TRDN: variants seen among roughly 807,000 people sequenced by gnomAD.
TRDN encodes the protein triadin.
In TRDN, 161 loss-of-function variants were observed where a neutral mutation model predicts 149.7. That is an observed-to-expected ratio of 1.08 (90% confidence interval 0.95 to 1.23). The LOEUF (loss-of-function observed/expected upper bound fraction) is 1.23. Among genes scored for constraint, TRDN ranks in the 50% most tolerant of loss-of-function variants. The pLI, the probability that TRDN is intolerant of heterozygous loss-of-function variation, is 0.00. For missense variants in TRDN, 896 were observed against 823.5 expected (o/e 1.09, Z -1.08); for synonymous variants, 294 against 250.5 (o/e 1.17, Z -1.64).
chr6:123,360,991 T>A (rs1780878818), intron 20 of TRDN, among the ~76,000 whole-genome samples: 2 of 152,158 alleles, frequency 1.3e-5, no homozygotes, highest in Admixed American at 1.3e-4. Flanking sequence ...TGATGGGCAT[T>A]TGGGTTGGTT....
chr6:123,500,875 T>G (rs1778669043), intron 8 of TRDN, among the ~76,000 whole-genome samples: 1 of 152,136 alleles, frequency 6.6e-6, no homozygotes, highest in Non-Finnish European at 1.5e-5. Flanking sequence ...AAATATCAAA[T>G]AGTTGTTTTA....
In TRDN at chr6:123,278,932, CCTTTGA is replaced by C. The variant is rs1777477363; in HGVS notation, c.1537+118_1537+123del. 1.1e-5 allele frequency: 9 copies of C among 844,776 alleles called. No homozygotes were observed. In the South Asian group the frequency reaches 1.6e-4, roughly 15 times the overall value. 52.3% of individuals were successfully genotyped at this position (844,776 alleles called of 1,614,324 possible). A position where few individuals can be genotyped will look rare whatever the true frequency, so the allele number is the denominator to read the frequency against. On this transcript the variant is annotated intron_variant, in intron 25 of 40. Coordinates refer to ENST00000334268, the MANE Select transcript of TRDN (RefSeq NM_006073.4). ...GAGTACATTGTCTACACAAAACAAGCCTTTGACTTTAAGCAAAATATTCAACATGAA... is the reference window on the plus strand; with the variant it reads ...GAGTACATTGTCTACACAAAACAAGCCTTTAAGCAAAATATTCAACATGAA...
chr6:123,377,958 C>A (rs1007772138), intron 16 of TRDN, 60 bp from the exon 17 acceptor site: 11 of 1,232,178 alleles, frequency 8.9e-6, no homozygotes, highest in Non-Finnish European at 1.2e-5. Context: ...TTATGAATCC[C>A]AACTTAATTG....
Position 123,517,873 on chromosome 6 carries a change from A to G in TRDN, c.485-1667T>C, listed in dbSNP as rs79490787. On this transcript the variant is annotated intron_variant, in intron 5 of 40. Coordinates refer to ENST00000334268, the MANE Select transcript of TRDN (RefSeq NM_006073.4). ...TACATAATTATATTTCAGCAATTCA[A>G]TAATAATATTGATATTGTTAATATC... Among the ~76,000 whole-genome samples the G allele has an allele frequency of 3.6e-3, 542 of 152,278 alleles. 23 individuals carry two copies. In the East Asian group the frequency reaches 0.091, roughly 26 times the overall value.
chr6:123,311,729 T>C (rs187223352), intron 24 of TRDN, among the ~76,000 whole-genome samples: 30 of 152,098 alleles, frequency 2.0e-4, no homozygotes, highest in Middle Eastern at 3.4e-3. Context: ...TCTGGAAGAA[T>C]TGTATTATTG....
intron 2 of TRDN, among the ~76,000 whole-genome samples, chr6:123,563,937 T>C (rs1782134336): frequency 6.6e-6 from 1 of 152,174 alleles, no homozygotes; most frequent in East Asian, 1.9e-4. Context: ...GCTCTTGCCT[T>C]TATTAAAACA....
At chr6:123,576,355 C>A (rs1035171459) in intron 1 of TRDN, among the ~76,000 whole-genome samples, 2 of 152,016 alleles carry the variant, frequency 1.3e-5, no homozygotes, top group African/African-American at 4.8e-5. Flanking sequence ...CCTAAATTGC[C>A]ACCTTTTCTC....
rs1234558141 is a variant in TRDN, at chr6:123,359,948, G to T, written c.1321+6187C>A. ...CTGACCTCATGATCCACCCATCTCGGCCTCCCAAAGTGCTGGGATTACAGG... is the reference window on the plus strand; with the variant it reads ...CTGACCTCATGATCCACCCATCTCGTCCTCCCAAAGTGCTGGGATTACAGG... On this transcript the variant is annotated intron_variant, in intron 20 of 40. Coordinates refer to ENST00000334268, the MANE Select transcript of TRDN (RefSeq NM_006073.4). 2.6e-5 allele frequency among the ~76,000 whole-genome samples: 4 copies of T among 152,082 alleles called. No homozygotes were observed. In the East Asian group the frequency reaches 7.7e-4, roughly 29 times the overall value.
At chr6:123,424,446 G>T (rs2114551882) in intron 12 of TRDN, among the ~76,000 whole-genome samples, 1 of 151,172 alleles carries the variant, frequency 6.6e-6, no homozygotes, top group Non-Finnish European at 1.5e-5. Context: ...CTATAAACAA[G>T]AAAAAACAAC....
chr6:123,249,008 G>A (rs1730530916), intron 38 of TRDN, among the ~76,000 whole-genome samples: 1 of 152,008 alleles, frequency 6.6e-6, no homozygotes, highest in South Asian at 2.1e-4. Context: ...ATTTTGAAAA[G>A]ATACTACACC....
intron 24 of TRDN, among the ~76,000 whole-genome samples, chr6:123,303,933 C>T (rs1778515377): frequency 6.6e-6 from 1 of 151,980 alleles, no homozygotes; most frequent in Non-Finnish European, 1.5e-5. Context: ...ACAGGTTTTA[C>T]CCAGAAGAAT....
In TRDN at chr6:123,630,727, C is replaced by T. The variant is rs527400760; in HGVS notation, c.22+6027G>A. On this transcript the variant is annotated intron_variant, in intron 1 of 40. Coordinates refer to ENST00000334268, the MANE Select transcript of TRDN (RefSeq NM_006073.4). ...AAAACTACAAGAAAAAGCTTCTTAA[C>T]GGAACCTAACAAGGGCTGACACTAC... Among the ~76,000 whole-genome samples the T allele has an allele frequency of 9.0e-4, 137 of 151,942 alleles. No homozygotes were observed. The South Asian group carries it at 0.01, about 11-fold the overall frequency.
At chr6:123,580,986 G>T (rs978037875) in intron 1 of TRDN, among the ~76,000 whole-genome samples, 1 of 152,052 alleles carries the variant, frequency 6.6e-6, no homozygotes, top group Non-Finnish European at 1.5e-5. Context: ...GCCTAGGCTG[G>T]TCTCAAACCC....
chr6:123,465,582 C>CAAAAAAAAAAAAAAA (rs1223948612), intron 9 of TRDN, among the ~76,000 whole-genome samples: 1 of 65,534 alleles, frequency 1.5e-5, no homozygotes, highest in African/African-American at 5.0e-5. Flanking sequence ...TTATGAACTG[C>CAAAAAAAAAAAAAAA]AAAAAAAAAA....
At chr6:123,632,703 C>T (rs79755942) in intron 1 of TRDN, among the ~76,000 whole-genome samples, 2 of 151,990 alleles carry the variant, frequency 1.3e-5, no homozygotes, top group Non-Finnish European at 2.9e-5. Context: ...GTACCCCCAG[C>T]TCATCCCCGC....
chr6:123,308,444 G>C (rs1379050979), intron 24 of TRDN, among the ~76,000 whole-genome samples: 9 of 151,378 alleles, frequency 5.9e-5, no homozygotes, highest in Non-Finnish European at 1.2e-4. Context: ...TTCTAAACTA[G>C]TTTCCACAGT....
At chr6:123,503,542 A>G in intron 8 of TRDN, 177 bp downstream of exon 8, 4 of 1,422,816 alleles carry the variant, frequency 2.8e-6, no homozygotes, top group Non-Finnish European at 1.8e-6. Context: ...TAGTATTTTT[A>G]TAAATAAATA....
At chr6:123,388,670 A>G (rs1008313152) in intron 13 of TRDN, 119 bp from the exon 14 acceptor site, 4 of 1,046,698 alleles carry the variant, frequency 3.8e-6, no homozygotes, top group African/African-American at 1.6e-5. Context: ...ACACTAATCA[A>G]TTCATCCAAA....
At chr6:123,445,548 A>C (rs1363488851) in intron 10 of TRDN, among the ~76,000 whole-genome samples, 69 of 95,226 alleles carry the variant, frequency 7.2e-4, no homozygotes, top group African/African-American at 3.3e-3. Context: ...AGAAAAAAAC[A>C]AACAACCCCA....
Sources: gnomAD v4.1 joint callset for allele counts (sites outside exome capture counted in the v4.1 genomes callset) on GRCh38, gnomAD v4.1.1 for gene constraint, MANE v1.5 for transcripts, NCBI Gene and HGNC (gene_info 2026-07-23, HGNC 2026-07-21) for gene names.